Variants in NTM observed in about 807,000 individuals in gnomAD.
NTM encodes neurotrimin.
Under a neutral mutation model 42.1 loss-of-function variants are expected in NTM, and 13 were observed. The ratio of observed to expected loss-of-function variants is 0.31; its 90% CI spans 0.20 to 0.49. NTM has a LOEUF of 0.49. NTM is among the 20% of genes least tolerant of loss of function. The pLI is 0.99. For missense variants in NTM, 373 were observed against 452.8 expected (o/e 0.82, Z 1.60); for synonymous variants, 187 against 179.2 (o/e 1.04, Z -0.35).
At chr11:132,029,900 G>A (rs917670327) in intron 2 of NTM, among the ~76,000 whole-genome samples, 1 of 152,068 alleles carries the variant, frequency 6.6e-6, no homozygotes, top group Non-Finnish European at 1.5e-5. Flanking sequence ...CATAGGGCAG[G>A]CTTATTTAGG....
chr11:131,847,907 G>A (rs758474355), intron 1 of NTM, among the ~76,000 whole-genome samples: 14 of 151,988 alleles, frequency 9.2e-5, no homozygotes, highest in South Asian at 2.1e-4. Flanking sequence ...TCCAGTTGAC[G>A]AGATTTAAAA....
At chr11:132,279,747 T>TGCCCATACCCACCAAAATTAACACACAC (rs2093895258) in intron 4 of NTM, among the ~76,000 whole-genome samples, 1 of 152,134 alleles carries the variant, frequency 6.6e-6, no homozygotes, top group African/African-American at 2.4e-5. Context: ...CCCACACACA[T>TGCCCATACCCACCAAAATTAACACACAC]GCCCATACCC....
intron 1 of NTM, among the ~76,000 whole-genome samples, chr11:131,715,924 T>C (rs2077649259): frequency 6.6e-6 from 1 of 152,212 alleles, no homozygotes; most frequent in African/African-American, 2.4e-5. Flanking sequence ...TTGTTTCCAG[T>C]TTTTCATTAG....
intron 1 of NTM, among the ~76,000 whole-genome samples, chr11:131,451,570 G>A (rs1451757057): frequency 6.6e-6 from 1 of 152,186 alleles, no homozygotes; most frequent in Non-Finnish European, 1.5e-5. Flanking sequence ...ACTCTCATGT[G>A]CAGATTCAGA....
chr11:131,811,236 G>C (rs1439548291), intron 1 of NTM, among the ~76,000 whole-genome samples: 1 of 152,188 alleles, frequency 6.6e-6, no homozygotes, highest in East Asian at 1.9e-4. Context: ...CAGGAGGACT[G>C]TCCTTAGAAG....
intron 4 of NTM, among the ~76,000 whole-genome samples, chr11:132,305,044 A>G (rs777804985): frequency 2.0e-5 from 3 of 152,126 alleles, no homozygotes; most frequent in African/African-American, 7.2e-5. Flanking sequence ...CTACACATAA[A>G]TTAATGTGGC....
chr11:131,371,284 G>C (rs1941138503), intron 1 of NTM, among the ~76,000 whole-genome samples: 1 of 152,196 alleles, frequency 6.6e-6, no homozygotes, highest in Admixed American at 6.5e-5. Context: ...GAAATTACAA[G>C]AGGAAACTTT....
chr11:131,598,546 C>T lies in NTM; in HGVS notation c.82+227658C>T, dbSNP rs374049128. ...GTGTGTCACATGTGTGCACTCGGGG[C>T]GGAGAGCTCCCCCCTCCATTAGTCA... On this transcript the variant is annotated intron_variant, in intron 1 of 8. Coordinates refer to ENST00000683400, the MANE Select transcript of NTM (RefSeq NM_001352005.2). Among the ~76,000 whole-genome samples the T allele has an allele frequency of 2.5e-3, 386 of 152,188 alleles. 5 individuals carry two copies. Among genetic ancestry groups the T allele is most frequent in the African/African-American group, 8.9e-3 (371 of 41,530 alleles).
intron 2 of NTM, among the ~76,000 whole-genome samples, chr11:131,981,944 G>A (rs1025360224): frequency 7.9e-5 from 12 of 152,000 alleles, no homozygotes; most frequent in Admixed American, 5.9e-4. Flanking sequence ...CCTGGGAGGC[G>A]GAAGTTGCAG....
intron 1 of NTM, among the ~76,000 whole-genome samples, chr11:131,416,430 A>C (rs1946962487): frequency 6.6e-6 from 1 of 152,182 alleles, no homozygotes; most frequent in Non-Finnish European, 1.5e-5. Context: ...AATCTTTGTC[A>C]AACACACGGT....
intron 2 of NTM, among the ~76,000 whole-genome samples, chr11:132,080,091 T>G (rs2058846513): frequency 1.3e-5 from 2 of 152,138 alleles, no homozygotes; most frequent in African/African-American, 4.8e-5. Flanking sequence ...GCATTCCAGT[T>G]CCTATATTAA....
chr11:131,948,225 C>A (rs1022211872), intron 2 of NTM, among the ~76,000 whole-genome samples: 2 of 151,854 alleles, frequency 1.3e-5, no homozygotes, highest in Non-Finnish European at 2.9e-5. Flanking sequence ...ATTAGCCAGG[C>A]GTGGTGGTGG....
At chr11:132,041,491 T>G (rs1427750959) in intron 2 of NTM, among the ~76,000 whole-genome samples, 1 of 152,178 alleles carries the variant, frequency 6.6e-6, no homozygotes, top group East Asian at 1.9e-4. Context: ...GCACATTTAG[T>G]CAGTCATACA....
chr11:132,304,565 G>A lies in NTM; in HGVS notation c.527-3124G>A, dbSNP rs567702532. ...CAGATTGCAGTTTAGTGTTTTGGGG[G>A]GCTTGTTTGAGGCATCTCCTTTAGG... On this transcript the variant is annotated intron_variant, in intron 4 of 8. Coordinates refer to ENST00000683400, the MANE Select transcript of NTM (RefSeq NM_001352005.2). Among the ~76,000 whole-genome samples the A allele has an allele frequency of 1.3e-3, 203 of 152,242 alleles. 1 individual carries two copies. The highest frequency in any genetic ancestry group is 4.6e-3 in the African/African-American group (190 of 41,546).
At position 131,426,714 on chromosome 11, in the gene NTM, A is replaced by G. The variant is rs187604918; in HGVS notation, c.82+55826A>G. 3.3e-4 allele frequency among the ~76,000 whole-genome samples: 50 copies of G among 152,264 alleles called. No individual in the cohort carries two copies. In the East Asian group the frequency reaches 8.5e-3, roughly 26 times the overall value. ...CTGTCAGAGCCCGAACTTCTGCTCA[A>G]TGGCTAAATTAGTAGGCAAGTGGCA... is the stretch of plus-strand genomic sequence containing the variant. On this transcript the variant is annotated intron_variant, in intron 1 of 8. Coordinates refer to ENST00000683400, the MANE Select transcript of NTM (RefSeq NM_001352005.2).
intron 1 of NTM, among the ~76,000 whole-genome samples, chr11:131,742,968 A>C (rs2081367236): frequency 6.6e-6 from 1 of 152,320 alleles, no homozygotes; most frequent in Admixed American, 6.5e-5. Context: ...AATAGATTCA[A>C]CTTCACTTTT....
chr11:131,427,033 C>A (rs1948192007), intron 1 of NTM, among the ~76,000 whole-genome samples: 1 of 151,940 alleles, frequency 6.6e-6, no homozygotes, highest in African/African-American at 2.4e-5. Flanking sequence ...AGGGGCTTGC[C>A]AGGAAGGAGA....
chr11:131,945,539 T>A (rs1000048424), intron 2 of NTM, among the ~76,000 whole-genome samples: 1 of 152,228 alleles, frequency 6.6e-6, no homozygotes, highest in Middle Eastern at 3.4e-3. Context: ...TCTCTGAAAA[T>A]AGCAAAAAGT....
At chr11:131,886,943 A>T (rs187099156) in intron 1 of NTM, among the ~76,000 whole-genome samples, 1 of 152,330 alleles carries the variant, frequency 6.6e-6, no homozygotes. Context: ...TCCTCATAGT[A>T]GCTCCGCAAG....
Sources: gnomAD v4.1 joint callset for allele counts (sites outside exome capture counted in the v4.1 genomes callset) on GRCh38, gnomAD v4.1.1 for gene constraint, MANE v1.5 for transcripts, NCBI Gene and HGNC (gene_info 2026-07-23, HGNC 2026-07-21) for gene names.